The following LINGO1 variants were observed in gnomAD, a reference collection of about 807,000 sequenced individuals.
LINGO1 encodes leucine-rich repeat and immunoglobulin-like domain-containing nogo receptor-interacting protein 1.
Under a neutral mutation model 37.3 loss-of-function variants are expected in LINGO1, and 11 were observed. The ratio of observed to expected loss-of-function variants is 0.29; its 90% CI spans 0.19 to 0.49. LINGO1 has a LOEUF of 0.49. Among genes scored for constraint, LINGO1 ranks in the 20% least tolerant of loss-of-function variants. The pLI is 0.99. For missense variants in LINGO1, 585 were observed against 878.2 expected, an observed-to-expected ratio of 0.67 and a Z score of 4.22; for synonymous variants, 387 against 403.0, an observed-to-expected ratio of 0.96 and a Z score of 0.48.
upstream of LINGO1, chr15:77,787,192 C>G (rs941139877): frequency 6.6e-6 from 1 of 152,312 alleles, no homozygotes; most frequent in Non-Finnish European, 1.5e-5. Flanking sequence ...GGCATGGGCA[C>G]CAGGGAGCTG....
intron 1 of LINGO1, among the ~76,000 whole-genome samples, chr15:77,627,064 T>C (rs2074116853): frequency 6.7e-6 from 1 of 148,422 alleles, no homozygotes; most frequent in Non-Finnish European, 1.5e-5. Flanking sequence ...CAGAGGGAAG[T>C]AGAGGAGGTG....
At chr15:77,768,205 C>A (rs6495246) in intron 1 of LINGO1, among the ~76,000 whole-genome samples, 117,319 of 151,878 alleles carry the variant, frequency 0.77, 46,859 homozygotes, top group Non-Finnish European at 0.87. Flanking sequence ...CTGCCTCCAC[C>A]CCTGTGGGGT....
chr15:77,652,566 A>G (rs1047890385), intron 3 of LINGO1, among the ~76,000 whole-genome samples: 8 of 148,810 alleles, frequency 5.4e-5, no homozygotes, highest in African/African-American at 2.0e-4. Context: ...CCCTGTGTCA[A>G]TATATCCTCC....
chr15:77,625,426 CAA>C (rs1025821126), intron 1 of LINGO1, among the ~76,000 whole-genome samples: 3 of 152,196 alleles, frequency 2.0e-5, no homozygotes, highest in Non-Finnish European at 4.4e-5. Flanking sequence ...AGCAGAAGCA[CAA>C]AGAGGTTCCA....
intron 1 of LINGO1, among the ~76,000 whole-genome samples, chr15:77,624,341 T>G (rs2074027164): frequency 6.6e-6 from 1 of 152,042 alleles, no homozygotes; most frequent in Non-Finnish European, 1.5e-5. Context: ...CTCCCACATG[T>G]GCTCACTGGC....
chr15:77,668,074 A>G (rs1305828123), intron 3 of LINGO1: 1 of 152,296 alleles, frequency 6.6e-6, no homozygotes, highest in Non-Finnish European at 1.5e-5. Context: ...TGACAATTCC[A>G]GTCCTGCCTA....
At chr15:77,765,722 T>C (rs1196026067) in intron 1 of LINGO1, among the ~76,000 whole-genome samples, 2 of 152,068 alleles carry the variant, frequency 1.3e-5, no homozygotes, top group Non-Finnish European at 2.9e-5. Flanking sequence ...GAAGGAGTAG[T>C]TGAGTTTGTA....
At chr15:77,802,936 C>T (rs541572148) in intron 1 of LINGO1, among the ~76,000 whole-genome samples, 1 of 152,306 alleles carries the variant, frequency 6.6e-6, no homozygotes, top group African/African-American at 2.4e-5. Context: ...CCCCAAGTGG[C>T]CTTCAGCTTC....
Position 77,711,370 on chromosome 15 carries a change from C to T in LINGO1, c.-194-20469G>A, listed in dbSNP as rs72746416. Among the ~76,000 whole-genome samples the T allele has an allele frequency of 7.0e-3, 1,066 of 152,340 alleles. 7 individuals are homozygous for T. Among genetic ancestry groups the T allele is most frequent in the Non-Finnish European group, 9.9e-3 (677 of 68,042 alleles). ...TGTGTCCCCGACATTGAAGACTGGCCGATAACGAAGATTCCATCCTCCTTT... is the reference window on the plus strand; with the variant it reads ...TGTGTCCCCGACATTGAAGACTGGCTGATAACGAAGATTCCATCCTCCTTT... On this transcript the variant is annotated intron_variant, in intron 2 of 3. Coordinates refer to the LINGO1 transcript ENST00000561686.
At chr15:77,704,578 TGACCCTGGTCAGACACTGAACCCC>T (rs2075825931) in intron 2 of LINGO1, among the ~76,000 whole-genome samples, 3 of 145,622 alleles carry the variant, frequency 2.1e-5, no homozygotes, top group Admixed American at 2.0e-4. Flanking sequence ...CACTGAGCTC[TGACCCTGGTCAGACACTGAACCCC>T]GACCCTGGTC....
chr15:77,729,358 G>A (rs1402299763), intron 2 of LINGO1, among the ~76,000 whole-genome samples: 1 of 152,242 alleles, frequency 6.6e-6, no homozygotes, highest in Non-Finnish European at 1.5e-5. Context: ...GGGTCCTTGA[G>A]GAGGAGGGCA....
intron 1 of LINGO1, among the ~76,000 whole-genome samples, chr15:77,801,655 T>C (rs1312181857): frequency 6.6e-6 from 1 of 152,102 alleles, no homozygotes; most frequent in African/African-American, 2.4e-5. Flanking sequence ...AGGGCTGCTC[T>C]GGCTAAAGGG....
intron 1 of LINGO1, among the ~76,000 whole-genome samples, chr15:77,749,435 T>C (rs1183328013): frequency 2.6e-5 from 4 of 152,198 alleles, no homozygotes; most frequent in East Asian, 1.9e-4. Context: ...CCTGGTTTTA[T>C]TTCTCAGTCT....
At chr15:77,683,134 C>T (rs553596147) in intron 2 of LINGO1, among the ~76,000 whole-genome samples, 47 of 152,228 alleles carry the variant, frequency 3.1e-4, no homozygotes, top group Admixed American at 1.1e-3. Context: ...CGAAAAGATG[C>T]TCAGCCTCGC....
At chr15:77,750,638 C>T (rs1220752948) in intron 1 of LINGO1, among the ~76,000 whole-genome samples, 4 of 152,250 alleles carry the variant, frequency 2.6e-5, no homozygotes, top group Non-Finnish European at 5.9e-5. Context: ...GCCAACAATA[C>T]GGCTTTTACC....
At chr15:77,749,956 G>T (rs1198653892) in intron 1 of LINGO1, among the ~76,000 whole-genome samples, 1 of 152,062 alleles carries the variant, frequency 6.6e-6, no homozygotes, top group Non-Finnish European at 1.5e-5. Flanking sequence ...CAGGGTGGGG[G>T]TGGGGAGTGG....
chr15:77,712,263 T>C (rs1271797439), intron 2 of LINGO1, among the ~76,000 whole-genome samples: 1 of 152,098 alleles, frequency 6.6e-6, no homozygotes, highest in Non-Finnish European at 1.5e-5. Flanking sequence ...ACCTCCCAGC[T>C]GGCCCTCCAG....
At chr15:77,776,524 G>GT (rs2141415029) in intron 1 of LINGO1, among the ~76,000 whole-genome samples, 3 of 102,748 alleles carry the variant, frequency 2.9e-5, no homozygotes, top group Non-Finnish European at 4.3e-5. Context: ...CAGGAAGGGA[G>GT]GAAGGGAGGG....
intron 1 of LINGO1, among the ~76,000 whole-genome samples, chr15:77,773,856 G>C (rs1253985646): frequency 7.2e-5 from 11 of 151,982 alleles, no homozygotes; most frequent in Non-Finnish European, 1.6e-4. Flanking sequence ...ACCTACTCAG[G>C]GGTCTCTGGC....
Sources: allele counts gnomAD v4.1 joint callset (sites outside exome capture counted in the v4.1 genomes callset), GRCh38; gene constraint gnomAD v4.1.1; transcripts MANE v1.5; gene names NCBI Gene and HGNC (gene_info 2026-07-23, HGNC 2026-07-21).